Variants in BICRA observed in about 807,000 individuals in gnomAD.
The protein encoded by BICRA is BRD4-interacting chromatin-remodeling complex-associated protein.
Under a neutral mutation model 96.9 loss-of-function variants are expected in BICRA, and 31 were observed. That is an observed-to-expected ratio of 0.32 (90% CI 0.24 to 0.43). BICRA has a LOEUF of 0.43. Ranked by LOEUF, BICRA falls within the 20% of genes least tolerant of loss-of-function variation. The pLI is 1.00. For missense variants in BICRA, 2,283 were observed against 2,190.3 expected, an observed-to-expected ratio of 1.04 and a Z score of -0.84; for synonymous variants, 1,350 against 1,071.8, an observed-to-expected ratio of 1.26 and a Z score of -5.07.
In BICRA at chr19:47,682,018, T is replaced by C; in HGVS notation, c.2149T>C (p.Ser717Pro). 1 of 1,571,876 alleles carries C rather than the reference T, an allele frequency of 6.4e-7. No individual in the cohort carries two copies. The highest frequency in any genetic ancestry group is 8.6e-7 in the Non-Finnish European group (1 of 1,162,888). The change falls in exon 7 of 15, where the codon TCC becomes CCC. Residue 717 changes from serine to proline, a missense_variant. Transcript: ENST00000594866. The stretch of plus-strand genomic sequence containing the variant: ...CCTCTCCGCAGAGGGCCCCCACCTC[T>C]CCGTGCCTGCCTCGGTCATAGTCAG... ...QPLSAEGPHLSVPASVIVSAP... is the reference protein window; with the variant it reads ...QPLSAEGPHLPVPASVIVSAP...
At chr19:47,671,976 G>A (rs1208174829) in intron 2 of BICRA, among the ~76,000 whole-genome samples, 4 of 143,248 alleles carry the variant, frequency 2.8e-5, no homozygotes, top group African/African-American at 1.0e-4. Flanking sequence ...TGGAGGGGTG[G>A]GTGGGTAGAT....
chr19:47,632,592 G>A (rs188943439), intron 1 of BICRA, among the ~76,000 whole-genome samples: 2 of 152,246 alleles, frequency 1.3e-5, no homozygotes, highest in Admixed American at 6.5e-5. Flanking sequence ...GGAACCGCAC[G>A]TGTGGGCTCC....
rs529673866 is a variant in BICRA, at chr19:47,702,696, C to T, written c.*281C>T. ...TCCTGTTTCTTCCCATTTCCTGGCA[C>T]ACTCTGCCCCTCTGTCCGGGGGACA... is the stretch of plus-strand genomic sequence containing the variant. On this transcript the variant is annotated 3_prime_UTR_variant, in exon 15 of 15. Coordinates refer to ENST00000594866, the MANE Select transcript of BICRA (RefSeq NM_001394372.1). 4.2e-6 allele frequency: 2 copies of T among 475,190 alleles called. No individual in the cohort carries two copies. Among genetic ancestry groups the T allele is most frequent in the African/African-American group, 2.1e-5 (1 of 48,386 alleles). 29.4% of individuals were successfully genotyped at this position (475,190 alleles called of 1,614,324 possible). A position where few individuals can be genotyped will look rare whatever the true frequency, so the allele number is the denominator to read the frequency against.
chr19:47,694,608 T>G lies in BICRA; in HGVS notation c.2777T>G (p.Leu926Arg). The G allele has an allele frequency of 7.8e-7, 1 of 1,274,960 alleles. No individual in the cohort carries two copies. Among genetic ancestry groups the G allele is most frequent in the Non-Finnish European group, 1.0e-6 (1 of 966,142 alleles). The allele number at this position is 1,274,960 out of a possible 1,614,324, so 79.0% of individuals were successfully genotyped here. The change falls in exon 8 of 15, where the codon CTC becomes CGC. Residue 926 changes from leucine to arginine, a missense_variant. Leu to Arg is a moderately radical substitution (Grantham distance 102). Coordinates refer to ENST00000594866, the MANE Select transcript of BICRA (RefSeq NM_001394372.1). ...AAGTCCCCCACTCCCCCTCCAACCC[T>G]CCACCTGGTCCCTGAGCCGGCAGCA... ...PHKSPTPPPT[L>R]HLVPEPAAPP...
At chr19:47,609,818 G>T (rs527561148) in intron 1 of BICRA, among the ~76,000 whole-genome samples, 2 of 152,014 alleles carry the variant, frequency 1.3e-5, no homozygotes, top group African/African-American at 4.8e-5. Context: ...AGGGATGGAT[G>T]GGGAAGGAGG....
rs1599864246 is a variant in BICRA, at chr19:47,694,188, G to A, written c.2357G>A (p.Gly786Glu). Residue 786 changes from glycine to glutamate, a missense_variant, in exon 8 of 15, where the codon GGG (glycine) becomes GAG (glutamate). By Grantham distance (98) the Gly-to-Glu change is moderately conservative. Transcript: ENST00000594866. ...SPSLPHQAPL[G>E]DSPHLPSPHP... is the part of the protein sequence containing the mutation. Reference sequence around the variant, plus strand: ...TCACTACCTCACCAGGCCCCTCTGGGGGACAGCCCCCACCTGCCCTCCCCA... The same window carrying A: ...TCACTACCTCACCAGGCCCCTCTGGAGGACAGCCCCCACCTGCCCTCCCCA... The A allele has an allele frequency of 1.3e-6, 2 of 1,498,016 alleles. No homozygotes were observed. The highest frequency in any genetic ancestry group is 1.4e-5 in the African/African-American group (1 of 71,102). 92.8% of individuals were successfully genotyped at this position (1,498,016 alleles called of 1,614,324 possible).
chr19:47,683,213 G>A (rs1256572245), intron 7 of BICRA, among the ~76,000 whole-genome samples: 3 of 152,102 alleles, frequency 2.0e-5, no homozygotes, highest in South Asian at 2.1e-4. Flanking sequence ...CCAAATTGCC[G>A]CCTGTGGAGT....
In BICRA at chr19:47,699,238, C is replaced by A; in HGVS notation, c.3493-65C>A. The A allele has an allele frequency of 1.0e-6, 1 of 973,740 alleles. No homozygotes were observed. The highest frequency in any genetic ancestry group is 1.6e-6 in the Non-Finnish European group (1 of 620,880). The allele number at this position is 973,740 out of a possible 1,614,324, so 60.3% of individuals were successfully genotyped here. A position where few individuals can be genotyped will look rare whatever the true frequency, so the allele number is the denominator to read the frequency against. ...GTTTGGACCTTGCACGCATCGTCCC[C>A]GTCGCTCGCGCCCCTTCCCCCTTCT... is the stretch of plus-strand genomic sequence containing the variant. On this transcript the variant is annotated intron_variant, in intron 13 of 14. Coordinates refer to ENST00000594866, the MANE Select transcript of BICRA (RefSeq NM_001394372.1). This position sits in a 1 kb window ranked among gnomAD's most constrained non-coding sequence, Gnocchi z 5.0.
intron 10 of BICRA, 91 bp from the exon 11 acceptor site, chr19:47,696,360 T>TC (rs1973342262): frequency 8.3e-7 from 1 of 1,211,196 alleles, no homozygotes; most frequent in African/African-American, 1.5e-5. Flanking sequence ...TGGTCCCCTG[T>TC]CCCGTCTTTA....
At chr19:47,689,202 C>T (rs1216075843) in intron 7 of BICRA, among the ~76,000 whole-genome samples, 1 of 152,044 alleles carries the variant, frequency 6.6e-6, no homozygotes, top group African/African-American at 2.4e-5. Flanking sequence ...AACCCCCCGA[C>T]CCCAATTTTA....
intron 7 of BICRA, among the ~76,000 whole-genome samples, chr19:47,686,675 C>T (rs999618732): frequency 3.9e-5 from 6 of 152,216 alleles, no homozygotes; most frequent in Non-Finnish European, 7.3e-5. Context: ...TGAGCCACTG[C>T]GCCCAGCCTC....
At chr19:47,676,288 G>A (rs1431706444) in intron 5 of BICRA, among the ~76,000 whole-genome samples, 1 of 152,098 alleles carries the variant, frequency 6.6e-6, no homozygotes, top group Non-Finnish European at 1.5e-5. Flanking sequence ...GGGAGGCCTG[G>A]GGTCCTGCCC....
In BICRA at chr19:47,701,150, TGGG is replaced by T; in HGVS notation, c.3596-175_3596-173del. 3.3e-6 allele frequency: 2 copies of T among 602,448 alleles called. No individual in the cohort carries two copies. The highest frequency in any genetic ancestry group is 4.1e-5 in the South Asian group (2 of 48,912). The allele number at this position is 602,448 out of a possible 1,614,324, so 37.3% of individuals were successfully genotyped here. ...GTGCCAGGCACAGTGGTTTTAGAGT[TGGG>T]GGAATTTGGGCCTTGCTGAAGAGGG... On this transcript the variant is annotated intron_variant, in intron 14 of 14. Transcript: ENST00000594866. The surrounding 1 kb of genome is among the most constrained non-coding windows in gnomAD (Gnocchi z 5.4).
chr19:47,697,845 C>T (rs1973371332), intron 11 of BICRA, among the ~76,000 whole-genome samples: 1 of 152,174 alleles, frequency 6.6e-6, no homozygotes, highest in African/African-American at 2.4e-5. Context: ...GCTGGGACTA[C>T]AGGCACGTGC....
intron 1 of BICRA, among the ~76,000 whole-genome samples, chr19:47,620,112 G>A (rs1159662947): frequency 6.6e-6 from 1 of 152,096 alleles, no homozygotes. Flanking sequence ...CAGGGATGTT[G>A]GTGTGTGTGT....
chr19:47,677,623 G>C (rs1290229971), intron 5 of BICRA, among the ~76,000 whole-genome samples: 5 of 152,172 alleles, frequency 3.3e-5, no homozygotes, highest in Admixed American at 2.6e-4. Context: ...TTGAACTCGT[G>C]GGCGGAGATT....
In BICRA at chr19:47,698,723, G is replaced by T; in HGVS notation, c.3338G>T (p.Arg1113Leu). ...CCCTCCTTTGAGGACGCCCTGCATC[G>T]CCTCCTGCCCTACCATGTCTACCAG... ...AFPSFEDALH[R>L]LLPYHVYQGA... The change falls in exon 12 of 15, where the codon CGC becomes CTC. Residue 1113 changes from arginine (R) to leucine (L), a missense_variant. Transcript: ENST00000594866. The surrounding 1 kb of genome is among the most constrained non-coding windows in gnomAD (Gnocchi z 4.8). The T allele has an allele frequency of 6.2e-7, 1 of 1,608,564 alleles. No individual in the cohort carries two copies. Among genetic ancestry groups the T allele is most frequent in the Non-Finnish European group, 8.5e-7 (1 of 1,175,342 alleles).
At chr19:47,651,264 TGTC>T (rs1270174007) in intron 1 of BICRA, among the ~76,000 whole-genome samples, 1 of 152,122 alleles carries the variant, frequency 6.6e-6, no homozygotes, top group Non-Finnish European at 1.5e-5. Flanking sequence ...TCGCCCTCGT[TGTC>T]TGTCTGACCT....
intron 7 of BICRA, among the ~76,000 whole-genome samples, chr19:47,685,753 G>A (rs997488420): frequency 2.5e-5 from 3 of 121,170 alleles, no homozygotes; most frequent in Non-Finnish European, 5.0e-5. Flanking sequence ...GTGTGTGTGT[G>A]TGTGTGTGTG....
Sources: allele counts gnomAD v4.1 joint callset (sites outside exome capture counted in the v4.1 genomes callset), GRCh38; gene constraint gnomAD v4.1.1; non-coding constraint Gnocchi (gnomAD v3.1); transcripts MANE v1.5; gene names NCBI Gene and HGNC (gene_info 2026-07-23, HGNC 2026-07-21).